Variants in ZSCAN25 observed in about 807,000 individuals in gnomAD.
ZSCAN25 encodes the protein zinc finger and SCAN domain-containing protein 25.
ZSCAN25 carries 27 observed loss-of-function variants against 38.7 expected under a neutral mutation model. The ratio of observed to expected loss-of-function variants is 0.70; its 90% confidence interval spans 0.51 to 0.96. The LOEUF is 0.96. ZSCAN25 is among the 40% of genes least tolerant of loss of function. ZSCAN25 has a pLI of 0.00. For synonymous variants in ZSCAN25, 273 were observed against 277.7 expected (o/e 0.98, Z 0.17); for missense variants, 637 against 705.9 (o/e 0.90, Z 1.11).
the ZSCAN25 span, among the ~76,000 whole-genome samples, chr7:99,700,564 C>A: frequency 1.3e-5 from 2 of 152,200 alleles, no homozygotes; most frequent in African/African-American, 4.8e-5. Context: ...CCTCCTCACA[C>A]AGATGTAACC....
chr7:99,682,328 C>A, the ZSCAN25 span, among the ~76,000 whole-genome samples: 1 of 152,198 alleles, frequency 6.6e-6, no homozygotes, highest in Non-Finnish European at 1.5e-5. Context: ...ATACAGGGTT[C>A]TAGTTTCATT....
At chr7:99,660,160 G>A in the ZSCAN25 span, 321 of 907,410 alleles carry the variant, frequency 3.5e-4, no homozygotes, top group East Asian at 1.3e-3. Context: ...TGTTGCTCAC[G>A]CTGGGAGCTG....
the ZSCAN25 span, among the ~76,000 whole-genome samples, chr7:99,661,101 A>G: frequency 6.6e-6 from 1 of 152,200 alleles, no homozygotes; most frequent in Non-Finnish European, 1.5e-5. Context: ...TAGCTTGACA[A>G]ACTTTGAGAG....
the ZSCAN25 span, chr7:99,666,869 G>A: frequency 1.3e-6 from 2 of 1,592,208 alleles, no homozygotes; most frequent in Non-Finnish European, 1.7e-6. Context: ...ACTACCCCTT[G>A]GAAACGGACT....
Position 99,630,498 on chromosome 7 carries a change from G to A in ZSCAN25, c.*478G>A. 1.0e-6 allele frequency: 1 copy of A among 997,258 alleles called. No homozygotes were observed. Among genetic ancestry groups the A allele is most frequent in the Non-Finnish European group, 1.2e-6 (1 of 837,166 alleles). 61.8% of individuals were successfully genotyped at this position (997,258 alleles called of 1,614,324 possible). A position where few individuals can be genotyped will look rare whatever the true frequency, so the allele number is the denominator to read the frequency against. ...TGGCCGTGGGAATGCCGTGGTGAATGAGAGACTAGACGTGATGCCTCTGGG... is the reference window on the plus strand; with the variant it reads ...TGGCCGTGGGAATGCCGTGGTGAATAAGAGACTAGACGTGATGCCTCTGGG... On this transcript the variant is annotated 3_prime_UTR_variant, in exon 8 of 8. Coordinates refer to ENST00000394152, the MANE Select transcript of ZSCAN25 (RefSeq NM_145115.3).
chr7:99,726,538 C>T, the ZSCAN25 span, among the ~76,000 whole-genome samples: 1 of 152,170 alleles, frequency 6.6e-6, no homozygotes, highest in East Asian at 1.9e-4. Context: ...TTCACTATTC[C>T]CCTGCACCAC....
the ZSCAN25 span, chr7:99,685,162 T>G: frequency 6.2e-7 from 1 of 1,610,294 alleles, no homozygotes; most frequent in East Asian, 2.2e-5. Context: ...TACGGTCCCA[T>G]CCCTTGACTC....
At chr7:99,706,144 C>T in the ZSCAN25 span, among the ~76,000 whole-genome samples, 1 of 152,144 alleles carries the variant, frequency 6.6e-6, no homozygotes, top group African/African-American at 2.4e-5. Flanking sequence ...AACATCTTCT[C>T]TTGGTTTACA....
At chr7:99,626,081 T>C (rs1275732286) in intron 7 of ZSCAN25, among the ~76,000 whole-genome samples, 1 of 152,238 alleles carries the variant, frequency 6.6e-6, no homozygotes, top group East Asian at 1.9e-4. Context: ...TCTGTTCTCA[T>C]TAGCAGACGG....
the ZSCAN25 span, among the ~76,000 whole-genome samples, chr7:99,654,800 T>C: frequency 6.6e-6 from 1 of 152,250 alleles, no homozygotes; most frequent in Non-Finnish European, 1.5e-5. Flanking sequence ...TGGTATCTCA[T>C]TGTGGTTTTG....
At chr7:99,654,907 C>A in the ZSCAN25 span, among the ~76,000 whole-genome samples, 3 of 152,178 alleles carry the variant, frequency 2.0e-5, no homozygotes, top group African/African-American at 4.8e-5. Flanking sequence ...CATATCCTTC[C>A]CCCACTTGTT....
chr7:99,661,871 A>G, the ZSCAN25 span, among the ~76,000 whole-genome samples: 2 of 152,250 alleles, frequency 1.3e-5, no homozygotes, highest in African/African-American at 4.8e-5. Flanking sequence ...ACATGTGGCT[A>G]TTTAAATTCA....
chr7:99,673,730 G>A, the ZSCAN25 span, among the ~76,000 whole-genome samples: 264 of 152,304 alleles, frequency 1.7e-3, no homozygotes, highest in African/African-American at 6.2e-3. Flanking sequence ...AGGAGATGAT[G>A]CCATGCATTT....
At chr7:99,680,087 T>A in the ZSCAN25 span, 1 of 588,300 alleles carries the variant, frequency 1.7e-6, no homozygotes, top group South Asian at 2.0e-5. Flanking sequence ...CACACACCCC[T>A]TTGCTGACCT....
chr7:99,688,120 G>A, the ZSCAN25 span, among the ~76,000 whole-genome samples: 3 of 152,080 alleles, frequency 2.0e-5, no homozygotes, highest in Non-Finnish European at 4.4e-5. Flanking sequence ...CAACTAACGA[G>A]CAAAATAACC....
chr7:99,625,723 C>T lies in ZSCAN25; in HGVS notation c.805+1543C>T, dbSNP rs547077850. On this transcript the variant is annotated intron_variant, in intron 7 of 7. Coordinates refer to ENST00000394152, the MANE Select transcript of ZSCAN25 (RefSeq NM_145115.3). ...TGCTGCTGTGTGGGGTGAGGAGCCCCTCGCCCCCATTCTCAGAAGATTTTC... is the reference window on the plus strand; with the variant it reads ...TGCTGCTGTGTGGGGTGAGGAGCCCTTCGCCCCCATTCTCAGAAGATTTTC... 9.9e-5 allele frequency among the ~76,000 whole-genome samples: 15 copies of T among 152,220 alleles called. No homozygotes were observed. In the East Asian group the frequency reaches 2.9e-3, roughly 29 times the overall value.
the ZSCAN25 span, among the ~76,000 whole-genome samples, chr7:99,712,959 A>G: frequency 5.9e-5 from 9 of 152,338 alleles, no homozygotes; most frequent in African/African-American, 2.2e-4. Flanking sequence ...AAAGGAAAAA[A>G]TAACTTCATA....
chr7:99,737,531 T>C, the ZSCAN25 span, among the ~76,000 whole-genome samples: 1 of 152,158 alleles, frequency 6.6e-6, no homozygotes. Flanking sequence ...ACAGAACACA[T>C]TCTGACAAGT....
the ZSCAN25 span, chr7:99,652,888 G>T: frequency 2.6e-6 from 2 of 772,074 alleles, no homozygotes; most frequent in Non-Finnish European, 2.1e-6. Flanking sequence ...AACTCATACT[G>T]GTAAATGATC....
Sources: gnomAD v4.1 joint callset for allele counts (sites outside exome capture counted in the v4.1 genomes callset) on GRCh38, gnomAD v4.1.1 for gene constraint, MANE v1.5 for transcripts, NCBI Gene and HGNC (gene_info 2026-07-23, HGNC 2026-07-21) for gene names.